The following PCDHB16 variants were observed in gnomAD, a reference collection of about 807,000 sequenced individuals.
PCDHB16 encodes protocadherin beta-16.
For synonymous variants in PCDHB16, 444 were observed against 436.5 expected, an observed-to-expected ratio of 1.02 and a Z score of -0.21; for missense variants, 1,026 against 989.9, an observed-to-expected ratio of 1.04 and a Z score of -0.49.
rs782159353 is a variant in PCDHB16, at chr5:141,184,300, G to A, written c.1741G>A (p.Glu581Lys). 60 of 1,599,158 alleles carry A rather than the reference G, an allele frequency of 3.8e-5. 5 individuals carry two copies. The highest frequency in any genetic ancestry group is 2.2e-4 in the Middle Eastern group (1 of 4,524). The change falls in exon 1 of 1, where the codon GAG (glutamate) becomes AAG (lysine). Residue 581 changes from glutamate (E) to lysine (K), a missense_variant. Glu to Lys is a moderately conservative substitution (Grantham distance 56). Transcript: ENST00000609684. ...PCTELVPRAA[E>K]PGYLVTKVVA... The stretch of plus-strand genomic sequence containing the variant: ...CACTGAGCTGGTGCCCCGGGCGGCC[G>A]AGCCGGGCTACCTGGTGACCAAGGT...
chr5:141,183,164 G>T lies in PCDHB16; in HGVS notation c.605G>T (p.Arg202Leu). Residue 202 changes from arginine (R) to leucine (L), a missense_variant, in exon 1 of 1, where the codon CGG (arginine) becomes CTG (leucine). Transcript: ENST00000609684. ...PELVLDKELD[R>L]EEEPQLRLTL... Reference sequence around the variant, plus strand: ...CTAGTGTTGGATAAAGAGCTGGATCGGGAGGAGGAGCCTCAACTAAGATTA... The same window carrying T: ...CTAGTGTTGGATAAAGAGCTGGATCTGGAGGAGGAGCCTCAACTAAGATTA... 6.2e-7 allele frequency: 1 copy of T among 1,614,172 alleles called. No homozygotes were observed. Among genetic ancestry groups the T allele is most frequent in the Non-Finnish European group, 8.5e-7 (1 of 1,180,018 alleles).
rs1211552924 is a variant in PCDHB16, at chr5:141,184,959, A to T, written c.*69A>T. On this transcript the variant is annotated 3_prime_UTR_variant, in exon 1 of 1. Coordinates refer to ENST00000609684, the MANE Select transcript of PCDHB16 (RefSeq NM_020957.4). ...GCTTTGGATTTAATTATTGATAGGA[A>T]CCCATTTGATAAATTCCTTAACTTC... The T allele has an allele frequency of 1.3e-6, 2 of 1,552,812 alleles. No homozygotes were observed. The highest frequency in any genetic ancestry group is 2.8e-5 in the African/African-American group (2 of 72,578).
chr5:141,182,945 A>G lies in PCDHB16; in HGVS notation c.386A>G (p.His129Arg), dbSNP rs1554282050. 6.2e-7 allele frequency: 1 copy of G among 1,614,148 alleles called. No individual in the cohort carries two copies. The highest frequency in any genetic ancestry group is 8.5e-7 in the Non-Finnish European group (1 of 1,180,002). Residue 129 changes from histidine to arginine, a missense_variant, in exon 1 of 1, where the codon CAT (histidine) becomes CGT (arginine). Physicochemically the swap from His to Arg is conservative, Grantham distance 29. Coordinates refer to ENST00000609684, the MANE Select transcript of PCDHB16 (RefSeq NM_020957.4). The part of the protein sequence containing the change: ...AELRVIDIND[H>R]SPMFTEKEMI... ...CTGAGGGTGATAGATATAAATGACC[A>G]TTCTCCCATGTTCACTGAAAAGGAA...
Position 141,182,658 on chromosome 5 carries a change from T to C in PCDHB16, c.99T>C (p.Tyr33=). 2 of 1,606,540 alleles carry C rather than the reference T, an allele frequency of 1.2e-6. No homozygotes were observed. The change falls in exon 1 of 1, where the codon TAT becomes TAC. Residue 33 remains tyrosine (Y), a synonymous_variant. Coordinates refer to ENST00000609684, the MANE Select transcript of PCDHB16 (RefSeq NM_020957.4). ...GGGCGGGCGCCGAGTTGGGGTCCTA[T>C]TCCGTAGTGGAAGAAACGGAGAGAG... ...LSGAGAELGS[Y]SVVEETERGS... is the part of the protein sequence containing the mutation.
At position 141,184,611 on chromosome 5, in the gene PCDHB16, C is replaced by T. The variant is rs1237049703; in HGVS notation, c.2052C>T (p.Asn684=). 8 of 1,612,754 alleles carry T rather than the reference C, an allele frequency of 5.0e-6. No individual in the cohort carries two copies. The highest frequency in any genetic ancestry group is 6.8e-6 in the Non-Finnish European group (8 of 1,179,812). Residue 684 remains asparagine, a synonymous_variant, in exon 1 of 1, where the codon AAC becomes AAT. Coordinates refer to ENST00000609684, the MANE Select transcript of PCDHB16 (RefSeq NM_020957.4). Reference sequence around the variant, plus strand: ...CGGCCCCCGGCCAGACCCAGGCCAACTCGCTCACTGTCTACCTGGTGGTGG... The same window carrying T: ...CGGCCCCCGGCCAGACCCAGGCCAATTCGCTCACTGTCTACCTGGTGGTGG... ...PEAAPGQTQA[N]SLTVYLVVAL... is the part of the protein sequence containing the mutation.
rs1563932624 is a variant in PCDHB16 at position 141,182,542 on chromosome 5, AC to A, written c.-17del. On this transcript the variant is annotated 5_prime_UTR_variant, in exon 1 of 1. Transcript: ENST00000609684. Reference sequence around the variant, plus strand: ...GGATACATGAAGCTTCTGTGAACCAACTTTTCAAGAAAAAGCAATGGAGATT... The same window carrying A: ...GGATACATGAAGCTTCTGTGAACCAATTTTCAAGAAAAAGCAATGGAGATT... The A allele has an allele frequency of 1.3e-6, 2 of 1,510,228 alleles. No individual in the cohort carries two copies. The highest frequency in any genetic ancestry group is 1.4e-5 in the South Asian group (1 of 72,270). 93.6% of individuals were successfully genotyped at this position (1,510,228 alleles called of 1,614,324 possible).
At position 141,186,047 on chromosome 5, in the gene PCDHB16, CAA is replaced by C; in HGVS notation, c.*1159_*1160del. 3 of 997,782 alleles carry C rather than the reference CAA, an allele frequency of 3.0e-6. No individual in the cohort carries two copies. Among genetic ancestry groups the C allele is most frequent in the Non-Finnish European group, 3.6e-6 (3 of 827,872 alleles). The allele number at this position is 997,782 out of a possible 1,614,324, so 61.8% of individuals were successfully genotyped here. A position where few individuals can be genotyped will look rare whatever the true frequency, so the allele number is the denominator to read the frequency against. On this transcript the variant is annotated 3_prime_UTR_variant, in exon 1 of 1. Transcript: ENST00000609684. ...TCATTAAGTTGGAAAAAAAACTTATCAAAGAGACATTTACATGGTTTGGCTTT... is the reference window on the plus strand; with the variant it reads ...TCATTAAGTTGGAAAAAAAACTTATCAGAGACATTTACATGGTTTGGCTTT...
At position 141,185,703 on chromosome 5, in the gene PCDHB16, A is replaced by G; in HGVS notation, c.*813A>G. The stretch of plus-strand genomic sequence containing the variant: ...CAGGCATAAGCCAATGTGCCCATCC[A>G]AAGTTTTATTTATTTATTTTTTTGA... On this transcript the variant is annotated 3_prime_UTR_variant, in exon 1 of 1. Transcript: ENST00000609684. 1.0e-6 allele frequency: 1 copy of G among 996,954 alleles called. No homozygotes were observed. Among genetic ancestry groups the G allele is most frequent in the Non-Finnish European group, 1.2e-6 (1 of 827,220 alleles). 61.8% of individuals were successfully genotyped at this position (996,954 alleles called of 1,614,324 possible).
chr5:141,183,440 T>A lies in PCDHB16; in HGVS notation c.881T>A (p.Val294Glu). 2 of 1,614,088 alleles carry A rather than the reference T, an allele frequency of 1.2e-6. No individual in the cohort carries two copies. Among genetic ancestry groups the A allele is most frequent in the Non-Finnish European group, 1.7e-6 (2 of 1,180,022 alleles). The stretch of plus-strand genomic sequence containing the variant: ...GAGGATATTAGTAAAACTTTGGAGG[T>A]AAATCCTATGACAGGGGAAGTTCGA... ...PSEDISKTLE[V>E]NPMTGEVRLR... The change falls in exon 1 of 1, where the codon GTA (valine) becomes GAA (glutamate). Residue 294 changes from valine (V) to glutamate (E), a missense_variant. Val to Glu is a moderately radical substitution (Grantham distance 121). Coordinates refer to ENST00000609684, the MANE Select transcript of PCDHB16 (RefSeq NM_020957.4).
At position 141,185,398 on chromosome 5, in the gene PCDHB16, CT is replaced by C. The variant is rs1563939114; in HGVS notation, c.*512del. 10 of 746,716 alleles carry C rather than the reference CT, an allele frequency of 1.3e-5. No individual in the cohort carries two copies. In the East Asian group the frequency reaches 7.8e-4, roughly 58 times the overall value. 46.3% of individuals were successfully genotyped at this position (746,716 alleles called of 1,614,324 possible). On this transcript the variant is annotated 3_prime_UTR_variant, in exon 1 of 1. Coordinates refer to ENST00000609684, the MANE Select transcript of PCDHB16 (RefSeq NM_020957.4). ...TTCTTAAAGTTTCTTTCTTTCTTTT[CT>C]TTTCTTTCTTTTTTTTTTTTTCCTT...
In PCDHB16 at chr5:141,184,728, C is replaced by T. The variant is rs144790293; in HGVS notation, c.2169C>T (p.Gly723=). ...LCRRSRAASV[G]RCSMPEGPFP... is the part of the protein sequence containing the mutation. ...GGAGGAGCAGGGCGGCCTCGGTGGG[C>T]CGCTGCTCGATGCCTGAGGGCCCCT... Residue 723 remains glycine (G), a synonymous_variant, in exon 1 of 1, where the codon GGC becomes GGT. Coordinates refer to ENST00000609684, the MANE Select transcript of PCDHB16 (RefSeq NM_020957.4). The T allele has an allele frequency of 1.0e-4, 168 of 1,613,966 alleles. No homozygotes were observed. The highest frequency in any genetic ancestry group is 2.5e-4 in the South Asian group (23 of 91,074).
Position 141,184,833 on chromosome 5 carries a change from C to G in PCDHB16, c.2274C>G (p.Gly758=). The change falls in exon 1 of 1, where the codon GGC becomes GGG. Residue 758 remains glycine, a synonymous_variant. Coordinates refer to ENST00000609684, the MANE Select transcript of PCDHB16 (RefSeq NM_020957.4). ...SYQYEVCLTG[G]SETSEFKFLK... is the part of the protein sequence containing the mutation. ...AATACGAGGTGTGTCTGACAGGAGG[C>G]TCAGAAACAAGTGAGTTCAAGTTCC... is the stretch of plus-strand genomic sequence containing the variant. The G allele has an allele frequency of 6.2e-7, 1 of 1,614,092 alleles. No homozygotes were observed. Among genetic ancestry groups the G allele is most frequent in the East Asian group, 2.2e-5 (1 of 44,884 alleles).
chr5:141,183,638 C>A lies in PCDHB16; in HGVS notation c.1079C>A (p.Ser360Ter), dbSNP rs782747425. ...SALTSPIPENSPEIVVAVFSV... is the reference protein window; with the variant it reads ...SALTSPIPEN ...CTCACCAGCCCCATCCCAGAGAACT[C>A]GCCTGAGATAGTAGTTGCTGTTTTC... is the stretch of plus-strand genomic sequence containing the variant. The change falls in exon 1 of 1, where the codon TCG becomes TAG. Residue 360 changes from serine to a stop codon, truncating the protein, a stop_gained. Transcript: ENST00000609684. LOFTEE classifies it low-confidence loss of function (END_TRUNC). 6.2e-7 allele frequency: 1 copy of A among 1,614,152 alleles called. No individual in the cohort carries two copies. Among genetic ancestry groups the A allele is most frequent in the Non-Finnish European group, 8.5e-7 (1 of 1,180,032 alleles).
Position 141,185,865 on chromosome 5 carries a change from GA to G in PCDHB16, c.*977del. The G allele has an allele frequency of 1.0e-6, 1 of 991,688 alleles. No homozygotes were observed. The highest frequency in any genetic ancestry group is 1.2e-6 in the Non-Finnish European group (1 of 822,256). The allele number at this position is 991,688 out of a possible 1,614,324, so 61.4% of individuals were successfully genotyped here. A position where few individuals can be genotyped will look rare whatever the true frequency, so the allele number is the denominator to read the frequency against. On this transcript the variant is annotated 3_prime_UTR_variant, in exon 1 of 1. Transcript: ENST00000609684. ...CCAGCCTTATCTAAAAATAAAAAGAGAAGCCATTGTAAGACATTCAGTATGT... is the reference window on the plus strand; with the variant it reads ...CCAGCCTTATCTAAAAATAAAAAGAGAGCCATTGTAAGACATTCAGTATGT...
chr5:141,184,576 C>T lies in PCDHB16; in HGVS notation c.2017C>T (p.Leu673Phe), dbSNP rs1554282423. The T allele has an allele frequency of 1.5e-5, 24 of 1,612,300 alleles. No individual in the cohort carries two copies. The highest frequency in any genetic ancestry group is 1.9e-5 in the Non-Finnish European group (23 of 1,179,780). Residue 673 changes from leucine (L) to phenylalanine (F), a missense_variant, in exon 1 of 1, where the codon CTC becomes TTC. Transcript: ENST00000609684. ...VDGFSQPFLP[L>F]PEAAPGQTQA... Reference sequence around the variant, plus strand: ...CGGCTTCTCCCAGCCCTTCCTGCCGCTCCCAGAGGCGGCCCCCGGCCAGAC... The same window carrying T: ...CGGCTTCTCCCAGCCCTTCCTGCCGTTCCCAGAGGCGGCCCCCGGCCAGAC...
At position 141,185,014 on chromosome 5, in the gene PCDHB16, A is replaced by G. The variant is rs545805395; in HGVS notation, c.*124A>G. ...GATTGTCTTGTTGATTAAATTGTTCATGCTCACCACCACCAATAAGGTATT... is the reference window on the plus strand; with the variant it reads ...GATTGTCTTGTTGATTAAATTGTTCGTGCTCACCACCACCAATAAGGTATT... On this transcript the variant is annotated 3_prime_UTR_variant, in exon 1 of 1. Transcript: ENST00000609684. 3.4e-6 allele frequency: 5 copies of G among 1,469,008 alleles called. No individual in the cohort carries two copies. The highest frequency in any genetic ancestry group is 1.4e-5 in the African/African-American group (1 of 70,228). 91.0% of individuals were successfully genotyped at this position (1,469,008 alleles called of 1,614,324 possible). A position where few individuals can be genotyped will look rare whatever the true frequency, so the allele number is the denominator to read the frequency against.
rs782581100 is a variant in PCDHB16 at position 141,182,920 on chromosome 5, C to CTGAGGG, written c.365_370dup (p.Arg122_Val123dup). 1.4e-4 allele frequency: 218 copies of CTGAGGG among 1,613,992 alleles called. No homozygotes were observed. Among genetic ancestry groups the CTGAGGG allele is most frequent in the Non-Finnish European group, 1.4e-4 (167 of 1,180,038 alleles). On this transcript the variant is annotated inframe_insertion, in exon 1 of 1. Coordinates refer to ENST00000609684, the MANE Select transcript of PCDHB16 (RefSeq NM_020957.4). The stretch of plus-strand genomic sequence containing the variant: ...CCCTTTAGAAATATTTCAGGCTGAA[C>CTGAGGG]TGAGGGTGATAGATATAAATGACCA...
rs545163385 is a variant in PCDHB16, at chr5:141,184,457, G to T, written c.1898G>T (p.Arg633Leu). Residue 633 changes from arginine to leucine, a missense_variant, in exon 1 of 1, where the codon CGC becomes CTC. Transcript: ENST00000609684. The part of the protein sequence containing the change: ...EVRTARLLSE[R>L]DAAKQRLVVL... ...CGCACCGCCAGGCTGCTGAGCGAGC[G>T]CGACGCAGCCAAGCAGAGGCTGGTG... The T allele has an allele frequency of 4.6e-5, 74 of 1,608,388 alleles. 2 individuals are homozygous for T. The highest frequency in any genetic ancestry group is 3.3e-4 in the South Asian group (30 of 90,940).
rs115574102 is a variant in PCDHB16 at position 141,186,129 on chromosome 5, C to T, written c.*1239C>T. The T allele has an allele frequency of 0.022, 22,233 of 996,872 alleles. 295 individuals are homozygous for T. Among genetic ancestry groups the T allele is most frequent in the Non-Finnish European group, 0.024 (20,098 of 827,402 alleles). The allele number at this position is 996,872 out of a possible 1,614,324, so 61.8% of individuals were successfully genotyped here. A position where few individuals can be genotyped will look rare whatever the true frequency, so the allele number is the denominator to read the frequency against. On this transcript the variant is annotated 3_prime_UTR_variant, in exon 1 of 1. Coordinates refer to ENST00000609684, the MANE Select transcript of PCDHB16 (RefSeq NM_020957.4). ...TCTAGCCCTTTCTCTGTAAAATATC[C>T]CTATGTTTAATCTGTATTTCTTGCT...
Sources: gnomAD v4.1 joint callset for allele counts on GRCh38, gnomAD v4.1.1 for gene constraint, MANE v1.5 for transcripts, NCBI Gene and HGNC (gene_info 2026-07-23, HGNC 2026-07-21) for gene names.